BMPR1A: variants seen among roughly 807,000 people sequenced by gnomAD.
BMPR1A encodes the protein bone morphogenetic protein receptor type-1A.
In BMPR1A, 7 loss-of-function variants were observed where a neutral mutation model predicts 66.0. The ratio of observed to expected loss-of-function variants is 0.11; its 90% confidence interval spans 0.06 to 0.20. The LOEUF (loss-of-function observed/expected upper bound fraction) is 0.20, where lower values mean the gene tolerates loss of function less well. Among genes scored for constraint, BMPR1A ranks in the 10% least tolerant of loss-of-function variants. BMPR1A has a pLI of 1.00. For missense variants in BMPR1A, 408 were observed against 669.1 expected, an observed-to-expected ratio of 0.61 and a Z score of 4.31; for synonymous variants, 200 against 229.7, an observed-to-expected ratio of 0.87 and a Z score of 1.17.
chr10:86,923,540 C>G (rs377081114), intron 12 of BMPR1A, 34 bp downstream of exon 12: 3 of 1,614,170 alleles, frequency 1.9e-6, no homozygotes, highest in Middle Eastern at 1.6e-4. Flanking sequence ...AGAAGTGATT[C>G]GTAAATGCCA....
chr10:86,922,237 T>C (rs1843676907), intron 11 of BMPR1A, among the ~76,000 whole-genome samples: 2 of 152,350 alleles, frequency 1.3e-5, no homozygotes, highest in South Asian at 2.1e-4. Flanking sequence ...AGAATCTCAT[T>C]CTTTTTTCTG....
At chr10:86,917,965 G>T (rs1415718075) in intron 9 of BMPR1A, among the ~76,000 whole-genome samples, 1 of 152,212 alleles carries the variant, frequency 6.6e-6, no homozygotes, top group Non-Finnish European at 1.5e-5. Context: ...TTCGAGGCTA[G>T]AAGTTTAAAA....
chr10:86,866,277 T>A (rs769276588), intron 2 of BMPR1A, among the ~76,000 whole-genome samples: 1 of 150,314 alleles, frequency 6.7e-6, no homozygotes, highest in Non-Finnish European at 1.5e-5. Context: ...CACAGTACTT[T>A]CTGTTTTTTA....
chr10:86,821,366 TAAC>T (rs1280956284), intron 1 of BMPR1A, among the ~76,000 whole-genome samples: 2 of 152,246 alleles, frequency 1.3e-5, no homozygotes, highest in African/African-American at 4.8e-5. Context: ...CAGCTGTTAT[TAAC>T]AATATTGTCT....
chr10:86,798,941 T>TA (rs1400988193), intron 1 of BMPR1A, among the ~76,000 whole-genome samples: 1 of 152,158 alleles, frequency 6.6e-6, no homozygotes, highest in East Asian at 1.9e-4. Flanking sequence ...GTTATGTTAA[T>TA]AAAAAAGCTT....
intron 2 of BMPR1A, among the ~76,000 whole-genome samples, chr10:86,873,562 C>T (rs1222256547): frequency 6.6e-6 from 1 of 152,012 alleles, no homozygotes; most frequent in East Asian, 1.9e-4. Context: ...ATGGTATCCA[C>T]TGGAGAGTGG....
intron 1 of BMPR1A, among the ~76,000 whole-genome samples, chr10:86,826,996 TTCTA>T (rs1230703634): frequency 2.6e-5 from 2 of 75,720 alleles, no homozygotes; most frequent in Non-Finnish European, 6.4e-5. Flanking sequence ...CTACTTATCT[TTCTA>T]TCTATTTATA....
At chr10:86,817,598 G>T (rs1265861704) in intron 1 of BMPR1A, among the ~76,000 whole-genome samples, 1 of 152,130 alleles carries the variant, frequency 6.6e-6, no homozygotes, top group Non-Finnish European at 1.5e-5. Flanking sequence ...CAACAAATTG[G>T]ATAACCTGGA....
chr10:86,838,503 G>T (rs536083700), intron 1 of BMPR1A, among the ~76,000 whole-genome samples: 4 of 151,504 alleles, frequency 2.6e-5, no homozygotes, highest in South Asian at 4.2e-4. Context: ...ATATATTTTT[G>T]TCTAAGTAGG....
In BMPR1A at chr10:86,923,376, G is replaced by A. The variant is rs1475630647; in HGVS notation, c.1343G>A (p.Gly448Glu). The part of the protein sequence containing the change: ...WEMARRCITG[G>E]IVEEYQLPYY... The stretch of plus-strand genomic sequence containing the variant: ...CCCATGTTTTCTCATTCCCTTATAG[G>A]GATCGTGGAAGAATACCAATTGCCA... Residue 448 changes from glycine (G) to glutamate (E), a missense_variant and splice_region_variant, in exon 12 of 13, where the codon GGG (glycine) becomes GAG (glutamate). Gly to Glu is a moderately conservative substitution (Grantham distance 98). Transcript: ENST00000372037. 1 of 1,613,878 alleles carries A rather than the reference G, an allele frequency of 6.2e-7. No homozygotes were observed. Among genetic ancestry groups the A allele is most frequent in the Non-Finnish European group, 8.5e-7 (1 of 1,180,008 alleles).
chr10:86,875,281 G>A (rs1406196475), intron 2 of BMPR1A, among the ~76,000 whole-genome samples: 1 of 152,036 alleles, frequency 6.6e-6, no homozygotes. Context: ...GCTGAGGCAG[G>A]AGAATCACTT....
At chr10:86,867,749 T>C (rs1232303507) in intron 2 of BMPR1A, among the ~76,000 whole-genome samples, 1 of 152,200 alleles carries the variant, frequency 6.6e-6, no homozygotes, top group Non-Finnish European at 1.5e-5. Context: ...GCATCTAATG[T>C]TGAGGTCCTG....
intron 1 of BMPR1A, among the ~76,000 whole-genome samples, chr10:86,824,219 G>A (rs2133030447): frequency 6.6e-6 from 1 of 152,186 alleles, no homozygotes; most frequent in East Asian, 1.9e-4. Flanking sequence ...TTTGCAAGAA[G>A]GTGGGCAGTC....
chr10:86,875,764 C>A, intron 2 of BMPR1A, 103 bp from the exon 3 acceptor site: 3 of 500,228 alleles, frequency 6.0e-6, no homozygotes, highest in East Asian at 3.3e-5. Flanking sequence ...AAATGTATTT[C>A]ATTGTTTAAA....
In BMPR1A at chr10:86,798,954, G is replaced by GT. The variant is rs576536127; in HGVS notation, c.-267-39906dup. Among the ~76,000 whole-genome samples, 9 of 152,226 alleles carry GT rather than the reference G, an allele frequency of 5.9e-5. No individual in the cohort carries two copies. The South Asian group carries it at 1.9e-3, about 32-fold the overall frequency. On this transcript the variant is annotated intron_variant, in intron 1 of 12. Coordinates refer to ENST00000372037, the MANE Select transcript of BMPR1A (RefSeq NM_004329.3). ...TTGTTATGTTAATAAAAAAGCTTTG[G>GT]TTTTTGCAAGACTTTGTTTTTAGAG...
At chr10:86,911,621 G>A (rs1013751626) in intron 7 of BMPR1A, among the ~76,000 whole-genome samples, 4 of 151,720 alleles carry the variant, frequency 2.6e-5, no homozygotes, top group African/African-American at 9.7e-5. Flanking sequence ...ATGGTGGCAC[G>A]TACCTGTAGT....
chr10:86,876,640 G>A (rs1305304926), intron 3 of BMPR1A, among the ~76,000 whole-genome samples: 3 of 152,028 alleles, frequency 2.0e-5, no homozygotes, highest in African/African-American at 4.8e-5. Flanking sequence ...AAAATTAGCC[G>A]GGGGCCTGTA....
chr10:86,905,781 A>C (rs935284906), intron 7 of BMPR1A, among the ~76,000 whole-genome samples: 27 of 152,028 alleles, frequency 1.8e-4, no homozygotes, highest in African/African-American at 6.3e-4. Flanking sequence ...GTAAGAATTG[A>C]ATGATTTTTT....
chr10:86,763,851 GC>G (rs1273029795), intron 1 of BMPR1A, among the ~76,000 whole-genome samples: 1 of 148,274 alleles, frequency 6.7e-6, no homozygotes, highest in African/African-American at 2.5e-5. Context: ...GAGTGCAGTG[GC>G]GCATGTTGGC....
Sources: allele counts gnomAD v4.1 joint callset (sites outside exome capture counted in the v4.1 genomes callset), GRCh38; gene constraint gnomAD v4.1.1; transcripts MANE v1.5; gene names NCBI Gene and HGNC (gene_info 2026-07-23, HGNC 2026-07-21).